FANCA: variants seen among roughly 807,000 people sequenced by gnomAD.
FANCA encodes Fanconi anemia group A protein.
A neutral mutation model predicts 194.3 loss-of-function variants in FANCA; 236 were observed. The ratio of observed to expected loss-of-function variants is 1.21; its 90% CI spans 1.09 to 1.35. The LOEUF (loss-of-function observed/expected upper bound fraction) is 1.35. FANCA is among the 40% of genes most tolerant of loss of function. FANCA has a pLI of 0.00. For missense variants in FANCA, 2,628 were observed against 1,813.9 expected (o/e 1.45, Z -8.15); for synonymous variants, 1,014 against 715.8 (o/e 1.42, Z -6.65).
rs34019730 is a variant in FANCA at position 89,746,522 on chromosome 16, G to A, written c.3513+62C>T. 0.075 allele frequency: 96,839 copies of A among 1,299,414 alleles called. 4,306 individuals carry two copies. Among genetic ancestry groups the A allele is most frequent in the Non-Finnish European group, 0.092 (82,181 of 894,080 alleles). 80.5% of individuals were successfully genotyped at this position (1,299,414 alleles called of 1,614,324 possible). The stretch of plus-strand genomic sequence containing the variant: ...GGAGACGTGCTGCAGAGATGCCAGA[G>A]GCAGCTGTGGAGTCTCCCACTCATC... On this transcript the variant is annotated intron_variant, in intron 35 of 42. Transcript: ENST00000389301.
rs2040165657 is a variant in FANCA at position 89,794,111 on chromosome 16, T to C, written c.1007-1564A>G. Among the ~76,000 whole-genome samples, 7 of 152,196 alleles carry C rather than the reference T, an allele frequency of 4.6e-5. 1 individual carries two copies. In the South Asian group the frequency reaches 1.4e-3, roughly 32 times the overall value. ...ATCTTAATATGTACTTTTTCAGTTA[T>C]TAAAGTTCACCATCTCCCTGTTTGT... On this transcript the variant is annotated intron_variant, in intron 11 of 42. Coordinates refer to ENST00000389301, the MANE Select transcript of FANCA (RefSeq NM_000135.4).
At chr16:89,782,738 G>C in intron 17 of FANCA, 121 bp downstream of exon 17, 1 of 873,936 alleles carries the variant, frequency 1.1e-6, no homozygotes. Flanking sequence ...AGCTGCGCCC[G>C]AGGCAAGACC....
rs1404642228 is a variant in FANCA, at chr16:89,793,936, G to A, written c.1007-1389C>T. Among the ~76,000 whole-genome samples, 4 of 152,004 alleles carry A rather than the reference G, an allele frequency of 2.6e-5. No homozygotes were observed. The East Asian group carries it at 7.8e-4, about 30-fold the overall frequency. On this transcript the variant is annotated intron_variant, in intron 11 of 42. Transcript: ENST00000389301. ...CGGCTAATTTTTGTATTTTTTAGTAGAGATGGGGTTTCACTCTTTTGGCCA... is the reference window on the plus strand; with the variant it reads ...CGGCTAATTTTTGTATTTTTTAGTAAAGATGGGGTTTCACTCTTTTGGCCA...
chr16:89,773,428 G>C (rs1229135067), intron 21 of FANCA, 44 bp from the exon 22 acceptor site: 1 of 1,342,696 alleles, frequency 7.4e-7, no homozygotes, highest in Non-Finnish European at 1.0e-6. Flanking sequence ...CACTCAACAG[G>C]ACTCTTCACT....
At chr16:89,739,081 G>T in intron 41 of FANCA, 52 bp downstream of exon 41, 2 of 1,613,882 alleles carry the variant, frequency 1.2e-6, no homozygotes, top group Non-Finnish European at 1.7e-6. Context: ...GGCAGAAGGA[G>T]CCTCCGGCTG....
chr16:89,795,838 C>T (rs1470775959), intron 11 of FANCA, 68 bp downstream of exon 11: 10 of 1,179,966 alleles, frequency 8.5e-6, no homozygotes, highest in Non-Finnish European at 1.3e-5. Context: ...GTCAGCGTTA[C>T]CAAGGCAACA....
intron 21 of FANCA, 134 bp downstream of exon 21, chr16:89,775,608 T>C (rs2039473719): frequency 1.1e-5 from 8 of 724,074 alleles, no homozygotes. Context: ...GGGCGGACCC[T>C]GTACCCAAAG....
chr16:89,774,373 C>T (rs2039423014), intron 21 of FANCA, among the ~76,000 whole-genome samples: 1 of 152,256 alleles, frequency 6.6e-6, no homozygotes, highest in South Asian at 2.1e-4. Context: ...AAACGCCTCA[C>T]ACCGCAGGGT....
intron 30 of FANCA, among the ~76,000 whole-genome samples, chr16:89,756,982 T>C (rs557180866): frequency 3.7e-4 from 56 of 152,224 alleles, no homozygotes; most frequent in African/African-American, 1.3e-3. Context: ...GGTGGAAGAT[T>C]TGCTTTTTTG....
rs748616829 is a variant in FANCA at position 89,782,933 on chromosome 16, C to T, written c.1567-15G>A. The stretch of plus-strand genomic sequence containing the variant: ...TCTATAGAAACCTTCAGGGAAGACA[C>T]AGAATGAGAACAAGAAAACAAAGCA... On this transcript the variant is annotated splice_polypyrimidine_tract_variant and intron_variant, in intron 16 of 42. Transcript: ENST00000389301. 6.2e-7 allele frequency: 1 copy of T among 1,613,712 alleles called. No homozygotes were observed. The highest frequency in any genetic ancestry group is 1.1e-5 in the South Asian group (1 of 91,078).
chr16:89,741,765 T>C (rs1232987910), intron 37 of FANCA, among the ~76,000 whole-genome samples: 1 of 152,092 alleles, frequency 6.6e-6, no homozygotes. Flanking sequence ...GCACCCCAGG[T>C]CTGAGCTGTC....
rs1172710952 is a variant in FANCA at position 89,749,839 on chromosome 16, G to C, written c.3130C>G (p.Gln1044Glu). Residue 1044 changes from glutamine (Q) to glutamate (E), a missense_variant, in exon 32 of 43, where the codon CAG becomes GAG. Transcript: ENST00000389301. ...AAAATCTCAAAGAGGAAGTGCTCCTGGGAAGGGGTGTGGCCGAGAGGCACT... is the reference window on the plus strand; with the variant it reads ...AAAATCTCAAAGAGGAAGTGCTCCTCGGAAGGGGTGTGGCCGAGAGGCACT... ...LIVPLGHTPS[Q>E]EHFLFEIFRR... The C allele has an allele frequency of 6.2e-7, 1 of 1,614,208 alleles. No individual in the cohort carries two copies. The highest frequency in any genetic ancestry group is 8.5e-7 in the Non-Finnish European group (1 of 1,180,028).
At chr16:89,774,750 A>AAAAAAAAAAAAAAAAAAAC (rs1428635387) in intron 21 of FANCA, among the ~76,000 whole-genome samples, 2 of 147,004 alleles carry the variant, frequency 1.4e-5, no homozygotes, top group Non-Finnish European at 3.0e-5. Context: ...AAAAAAAAAA[A>AAAAAAAAAAAAAAAAAAAC]AAAATCTCAA....
At chr16:89,742,700 G>A in intron 37 of FANCA, 100 bp downstream of exon 37, 1 of 601,106 alleles carries the variant, frequency 1.7e-6, no homozygotes, top group East Asian at 4.7e-5. Flanking sequence ...CCACATATTT[G>A]TCTTTAGAAA....
intron 32 of FANCA, 78 bp downstream of exon 32, chr16:89,749,652 C>A (rs933329555): frequency 1.0e-5 from 16 of 1,535,432 alleles, no homozygotes; most frequent in Non-Finnish European, 1.3e-5. Context: ...AAACTCACTA[C>A]AAAGAACCTC....
At chr16:89,775,676 G>C in intron 21 of FANCA, 66 bp downstream of exon 21, 2 of 1,331,408 alleles carry the variant, frequency 1.5e-6, no homozygotes. Flanking sequence ...TAGCACAACA[G>C]ACACTCAAGG....
At chr16:89,796,059 G>T in intron 10 of FANCA, 41 bp from the exon 11 acceptor site, 1 of 1,443,426 alleles carries the variant, frequency 6.9e-7, no homozygotes. Context: ...AAGGGAGGGT[G>T]CCTTGCACGC....
rs1294503535 is a variant in FANCA, at chr16:89,782,841, G to A, written c.1626+18C>T. 1.2e-6 allele frequency: 2 copies of A among 1,611,114 alleles called. No individual in the cohort carries two copies. The highest frequency in any genetic ancestry group is 2.2e-5 in the East Asian group (1 of 44,888). On this transcript the variant is annotated intron_variant, in intron 17 of 42. Coordinates refer to ENST00000389301, the MANE Select transcript of FANCA (RefSeq NM_000135.4). ...GGGCGTGACTGGCTGAGACCCTGCA[G>A]GGCTCAAGCAACATTACCTCAGTAA... is the stretch of plus-strand genomic sequence containing the variant.
At chr16:89,740,393 AC>A in intron 38 of FANCA, 1 of 488,916 alleles carries the variant, frequency 2.0e-6, no homozygotes, top group Non-Finnish European at 3.7e-6. Context: ...TAATCCCAAC[AC>A]TTTGGGAGGC....
Sources: allele counts gnomAD v4.1 joint callset (sites outside exome capture counted in the v4.1 genomes callset), GRCh38; gene constraint gnomAD v4.1.1; transcripts MANE v1.5; gene names NCBI Gene and HGNC (gene_info 2026-07-23, HGNC 2026-07-21).